The following GRAMD2A variants were observed in gnomAD, a reference collection of about 807,000 sequenced individuals.
GRAMD2A encodes GRAM domain-containing protein 2A.
GRAMD2A carries 37 observed loss-of-function variants against 51.1 expected under a neutral mutation model. That is an observed-to-expected ratio of 0.72 (90% CI 0.56 to 0.95). The LOEUF is 0.95. GRAMD2A is among the 40% of genes least tolerant of loss of function. The probability of loss-of-function intolerance (pLI) is 0.00; values close to 1 mark genes in which losing one functional copy is unlikely to be tolerated. For synonymous variants in GRAMD2A, 136 were observed against 157.1 expected (o/e 0.87, Z 1.01); for missense variants, 414 against 426.9 (o/e 0.97, Z 0.27).
Position 72,167,086 on chromosome 15 carries a change from T to G in GRAMD2A, c.379A>C (p.Ile127Leu). ...SLFGKDIKVV[I>L]PVVSVQMIKK... ...ATCATTTGCACAGACACCACAGGAA[T>G]GACCACCTGAGAGGGAGAGGGATGC... The change falls in exon 6 of 12, where the codon ATT becomes CTT. Residue 127 changes from isoleucine to leucine, a missense_variant. Physicochemically the swap from Ile to Leu is conservative, Grantham distance 5. Coordinates refer to ENST00000309731, the MANE Select transcript of GRAMD2A (RefSeq NM_001012642.3). 1 of 1,612,452 alleles carries G rather than the reference T, an allele frequency of 6.2e-7. No homozygotes were observed. Among genetic ancestry groups the G allele is most frequent in the Non-Finnish European group, 8.5e-7 (1 of 1,178,436 alleles).
Position 72,166,982 on chromosome 15 carries a change from C to T in GRAMD2A, c.471+12G>A. The T allele has an allele frequency of 6.3e-7, 1 of 1,599,004 alleles. No individual in the cohort carries two copies. Among genetic ancestry groups the T allele is most frequent in the Non-Finnish European group, 8.6e-7 (1 of 1,166,270 alleles). On this transcript the variant is annotated intron_variant, in intron 6 of 11. Coordinates refer to ENST00000309731, the MANE Select transcript of GRAMD2A (RefSeq NM_001012642.3). This position sits in a 1 kb window ranked among gnomAD's most constrained non-coding sequence, Gnocchi z 4.1. ...GGAGACTGACAAGGGAGCATGGGCC[C>T]AGTGCACTGACCTTCTGGCTGGTGT... is the stretch of plus-strand genomic sequence containing the variant.
chr15:72,178,625 G>A lies in GRAMD2A; in HGVS notation c.42-8686C>T, dbSNP rs560429410. Among the ~76,000 whole-genome samples the A allele has an allele frequency of 2.3e-4, 33 of 141,698 alleles. No homozygotes were observed. In the East Asian group the frequency reaches 6.0e-3, roughly 26 times the overall value. 93.0% of individuals were successfully genotyped at this position (141,698 alleles called of 152,430 possible). Reference sequence around the variant, plus strand: ...GAGTCTTGCTCTATCGCCCAGGCTGGAGTGCAGTGGCGCAATCTCGGCTCA... The same window carrying A: ...GAGTCTTGCTCTATCGCCCAGGCTGAAGTGCAGTGGCGCAATCTCGGCTCA... On this transcript the variant is annotated intron_variant, in intron 1 of 11. Transcript: ENST00000309731.
intron 1 of GRAMD2A, among the ~76,000 whole-genome samples, chr15:72,191,041 C>G (rs2081764480): frequency 6.6e-6 from 1 of 152,186 alleles, no homozygotes; most frequent in Non-Finnish European, 1.5e-5. Flanking sequence ...ATGTTTAAAT[C>G]CATGAGATTA....
At chr15:72,164,762 TG>T (rs2081522862) in intron 8 of GRAMD2A, among the ~76,000 whole-genome samples, 1 of 152,110 alleles carries the variant, frequency 6.6e-6, no homozygotes, top group Non-Finnish European at 1.5e-5. Flanking sequence ...GAAAAGAGGA[TG>T]GGCCACTGGT....
At chr15:72,162,208 T>C in intron 11 of GRAMD2A, 65 bp downstream of exon 11, 2 of 1,419,136 alleles carry the variant, frequency 1.4e-6, no homozygotes, top group Non-Finnish European at 2.0e-6. Context: ...CAGCCTGGCC[T>C]GAGGTTCTTG....
intron 1 of GRAMD2A, among the ~76,000 whole-genome samples, chr15:72,171,618 C>T (rs1194757118): frequency 1.3e-5 from 2 of 152,158 alleles, no homozygotes; most frequent in Non-Finnish European, 2.9e-5. Flanking sequence ...TCATGCCCTT[C>T]TCTGGATATT....
chr15:72,175,833 T>G (rs910593408), intron 1 of GRAMD2A: 1 of 152,240 alleles, frequency 6.6e-6, no homozygotes, highest in African/African-American at 2.4e-5. Flanking sequence ...GTTTGCTGAA[T>G]GAATGAAGGA....
intron 1 of GRAMD2A, among the ~76,000 whole-genome samples, chr15:72,191,230 A>C (rs1762457663): frequency 6.6e-6 from 1 of 151,192 alleles, no homozygotes; most frequent in African/African-American, 2.4e-5. Context: ...ATGGAGTTTC[A>C]CTCTTGTTGC....
In GRAMD2A at chr15:72,170,523, G is replaced by C. The variant is rs2081600087; in HGVS notation, c.42-584C>G. 1 of 423,588 alleles carries C rather than the reference G, an allele frequency of 2.4e-6. No homozygotes were observed. The allele number at this position is 423,588 out of a possible 1,614,324, so 26.2% of individuals were successfully genotyped here. ...GAAGTGGCCTCAGCCACCTTGGACAGTCAGGACAGCTTGATGATGAGAGCC... is the reference window on the plus strand; with the variant it reads ...GAAGTGGCCTCAGCCACCTTGGACACTCAGGACAGCTTGATGATGAGAGCC... On this transcript the variant is annotated intron_variant, in intron 1 of 11. Transcript: ENST00000309731. This position sits in a 1 kb window ranked among gnomAD's most constrained non-coding sequence, Gnocchi z 4.5.
At chr15:72,194,934 T>C (rs2081794035) in intron 1 of GRAMD2A, among the ~76,000 whole-genome samples, 1 of 152,126 alleles carries the variant, frequency 6.6e-6, no homozygotes, top group Admixed American at 6.6e-5. Context: ...GGGATCCACC[T>C]GTCTCAGCCT....
At chr15:72,193,530 T>A (rs371547652) in intron 1 of GRAMD2A, among the ~76,000 whole-genome samples, 1 of 144,588 alleles carries the variant, frequency 6.9e-6, no homozygotes, top group Admixed American at 6.9e-5. Context: ...TGCATTTCTT[T>A]TTTTTTTTTC....
chr15:72,185,605 G>T (rs1403025394), intron 1 of GRAMD2A, among the ~76,000 whole-genome samples: 1 of 152,244 alleles, frequency 6.6e-6, no homozygotes, highest in Non-Finnish European at 1.5e-5. Flanking sequence ...TTTTGAAAAA[G>T]AAAATGATGT....
intron 1 of GRAMD2A, among the ~76,000 whole-genome samples, 176 bp downstream of exon 1, chr15:72,197,555 C>G (rs962716512): frequency 3.3e-5 from 5 of 152,076 alleles, no homozygotes; most frequent in African/African-American, 1.2e-4. Flanking sequence ...GACGCCTGGG[C>G]GCGCGGTGCA....
At chr15:72,171,754 T>C (rs775641688) in intron 1 of GRAMD2A, among the ~76,000 whole-genome samples, 6 of 152,254 alleles carry the variant, frequency 3.9e-5, no homozygotes, top group Non-Finnish European at 8.8e-5. Context: ...CATTGTCTTA[T>C]AGAGAATTCA....
In GRAMD2A at chr15:72,170,107, G is replaced by T; in HGVS notation, c.42-168C>A. The T allele has an allele frequency of 1.4e-6, 1 of 708,288 alleles. No individual in the cohort carries two copies. Among genetic ancestry groups the T allele is most frequent in the South Asian group, 1.5e-5 (1 of 68,584 alleles). 43.9% of individuals were successfully genotyped at this position (708,288 alleles called of 1,614,324 possible). ...TTCAGAGGCAGCAGCGCAGGCAGAG[G>T]TTCTGGGATGGCTGACGGAGTAGGC... is the stretch of plus-strand genomic sequence containing the variant. On this transcript the variant is annotated intron_variant, in intron 1 of 11. Transcript: ENST00000309731. The surrounding 1 kb of genome is among the most constrained non-coding windows in gnomAD (Gnocchi z 4.5).
chr15:72,174,174 C>A (rs755147992), intron 1 of GRAMD2A, among the ~76,000 whole-genome samples: 4 of 152,002 alleles, frequency 2.6e-5, no homozygotes, highest in African/African-American at 9.7e-5. Flanking sequence ...TTTATTTTGA[C>A]GAATGAAAAT....
intron 1 of GRAMD2A, chr15:72,174,000 T>C (rs2081633747): frequency 1.4e-5 from 2 of 146,678 alleles, no homozygotes; most frequent in South Asian, 4.4e-4. Flanking sequence ...TTGCAAGCCA[T>C]TCCTTTCTGT....
Position 72,167,044 on chromosome 15 carries a change from C to G in GRAMD2A, c.421G>C (p.Ala141Pro). Residue 141 changes from alanine (A) to proline (P), a missense_variant, in exon 6 of 12, where the codon GCA becomes CCA. Physicochemically the swap from Ala to Pro is conservative, Grantham distance 27. Coordinates refer to ENST00000309731, the MANE Select transcript of GRAMD2A (RefSeq NM_001012642.3). Reference protein sequence around the residue: ...SVQMIKKHKMARLLPNGLAIT... With the variant: ...SVQMIKKHKMPRLLPNGLAIT... The stretch of plus-strand genomic sequence containing the variant: ...GCCAGTCCATTGGGAAGGAGCCGTG[C>G]CATCTTGTGTTTTTTGATCATTTGC... 6.2e-7 allele frequency: 1 copy of G among 1,614,046 alleles called. No homozygotes were observed. Among genetic ancestry groups the G allele is most frequent in the Middle Eastern group, 1.6e-4 (1 of 6,062 alleles).
intron 1 of GRAMD2A, among the ~76,000 whole-genome samples, chr15:72,181,012 C>T (rs2081692949): frequency 6.6e-6 from 1 of 152,192 alleles, no homozygotes; most frequent in South Asian, 2.1e-4. Flanking sequence ...AACATTGGAG[C>T]TCATCTCCAA....
Sources: gnomAD v4.1 joint callset for allele counts (sites outside exome capture counted in the v4.1 genomes callset) on GRCh38, gnomAD v4.1.1 for gene constraint, Gnocchi (gnomAD v3.1) non-coding constraint, MANE v1.5 for transcripts, NCBI Gene and HGNC (gene_info 2026-07-23, HGNC 2026-07-21) for gene names.